The following BNC2 variants were observed in gnomAD, a reference collection of about 807,000 sequenced individuals.
The protein encoded by BNC2 is basonuclin zinc finger protein 2, also known as zinc finger protein basonuclin-2.
In BNC2, 20 loss-of-function variants were observed where a neutral mutation model predicts 76.3. That is an observed-to-expected ratio of 0.26 (90% CI 0.18 to 0.38). The LOEUF (loss-of-function observed/expected upper bound fraction) is 0.38. BNC2 is among the 10% of genes least tolerant of loss of function. BNC2 has a pLI of 1.00. For synonymous variants in BNC2, 582 were observed against 514.8 expected, an observed-to-expected ratio of 1.13 and a Z score of -1.77; for missense variants, 1,382 against 1,399.8, an observed-to-expected ratio of 0.99 and a Z score of 0.20.
intron 1 of BNC2, among the ~76,000 whole-genome samples, chr9:16,764,948 G>C (rs921977321): frequency 4.8e-4 from 73 of 151,942 alleles, no homozygotes; most frequent in African/African-American, 1.7e-3. Context: ...GAAGAAAAAA[G>C]AAGGAGAGAG....
chr9:16,506,511 C>CTTTTTTTTTTTTTTTTTTTTTTTTTT (rs1563814965), intron 5 of BNC2, among the ~76,000 whole-genome samples: 1 of 81,428 alleles, frequency 1.2e-5, no homozygotes, highest in African/African-American at 5.5e-5. Flanking sequence ...TCTCTCTCTC[C>CTTTTTTTTTTTTTTTTTTTTTTTTTT]TCTTTTTTTT....
intron 1 of BNC2, among the ~76,000 whole-genome samples, chr9:16,812,987 T>C (rs1234472180): frequency 2.0e-5 from 3 of 152,044 alleles, no homozygotes; most frequent in Admixed American, 6.5e-5. Flanking sequence ...GGTGGGCGGA[T>C]TACCTGAGGT....
intron 1 of BNC2, among the ~76,000 whole-genome samples, chr9:16,800,399 CCT>C (rs1275427407): frequency 6.6e-6 from 1 of 152,086 alleles, no homozygotes; most frequent in African/African-American, 2.4e-5. Context: ...CAGCGTCTGT[CCT>C]CTCTAATTTG....
At chr9:16,778,055 A>C (rs1283103275) in intron 1 of BNC2, among the ~76,000 whole-genome samples, 1 of 152,186 alleles carries the variant, frequency 6.6e-6, no homozygotes, top group Non-Finnish European at 1.5e-5. Flanking sequence ...TATAAACTAG[A>C]ATGGCCACAG....
chr9:16,780,535 A>G (rs1039784529), intron 1 of BNC2, among the ~76,000 whole-genome samples: 22 of 151,802 alleles, frequency 1.4e-4, no homozygotes, highest in Non-Finnish European at 2.5e-4. Flanking sequence ...TCACACCACT[A>G]CACTCCAGCC....
At chr9:16,500,828 AAAGTC>A (rs1822502056) in intron 5 of BNC2, among the ~76,000 whole-genome samples, 1 of 152,234 alleles carries the variant, frequency 6.6e-6, no homozygotes, top group South Asian at 2.1e-4. Context: ...ATACCTAAAT[AAAGTC>A]CTTTTGCAGG....
At chr9:16,548,210 AAG>A (rs1338507373) in intron 5 of BNC2, among the ~76,000 whole-genome samples, 1 of 152,166 alleles carries the variant, frequency 6.6e-6, no homozygotes, top group Non-Finnish European at 1.5e-5. Context: ...TTCAAACTGA[AAG>A]AGACTATAAA....
At chr9:16,622,604 T>C (rs1006871728) in intron 3 of BNC2, among the ~76,000 whole-genome samples, 1 of 152,130 alleles carries the variant, frequency 6.6e-6, no homozygotes, top group African/African-American at 2.4e-5. Flanking sequence ...TTACAAGATA[T>C]AATGTAGCTG....
At chr9:16,467,786 A>T (rs1472248291) in intron 5 of BNC2, among the ~76,000 whole-genome samples, 1 of 146,414 alleles carries the variant, frequency 6.8e-6, no homozygotes, top group Non-Finnish European at 1.5e-5. Flanking sequence ...TACATATGTA[A>T]CTAACCTGCA....
intron 5 of BNC2, among the ~76,000 whole-genome samples, chr9:16,446,181 T>C (rs746761788): frequency 3.3e-5 from 5 of 152,186 alleles, no homozygotes; most frequent in Admixed American, 6.5e-5. Context: ...CTACTGACCT[T>C]GGCTCACTCT....
intron 5 of BNC2, among the ~76,000 whole-genome samples, chr9:16,498,032 T>TATATATATTCCATC (rs1229024723): frequency 0.014 from 2,024 of 147,684 alleles, 52 homozygotes; most frequent in African/African-American, 0.048. Flanking sequence ...TATTCCACCA[T>TATATATATTCCATC]ATATATATTC....
chr9:16,555,908 T>G (rs1471351000), intron 4 of BNC2, among the ~76,000 whole-genome samples: 4 of 152,368 alleles, frequency 2.6e-5, no homozygotes, highest in Non-Finnish European at 5.9e-5. Flanking sequence ...TTGTGGGTTA[T>G]GCATTCTCTT....
chr9:16,637,799 C>T (rs1489587294), intron 3 of BNC2, among the ~76,000 whole-genome samples: 1 of 152,044 alleles, frequency 6.6e-6, no homozygotes, highest in Non-Finnish European at 1.5e-5. Flanking sequence ...AGAAAAAAAG[C>T]CATCTGTCTC....
rs187527786 is a variant in BNC2 at position 16,774,915 on chromosome 9, G to A, written c.4-36430C>T. Among the ~76,000 whole-genome samples, 8 of 152,208 alleles carry A rather than the reference G, an allele frequency of 5.3e-5. No homozygotes were observed. In the East Asian group the frequency reaches 5.8e-4, roughly 11 times the overall value. On this transcript the variant is annotated intron_variant, in intron 1 of 6. Transcript: ENST00000380672. The stretch of plus-strand genomic sequence containing the variant: ...CCCTCTTGTATTTTGCCAATGAAGC[G>A]TTTTTTATTTGTTTTTGCTTTTACT...
At chr9:16,557,859 T>C (rs961099734) in intron 4 of BNC2, among the ~76,000 whole-genome samples, 2 of 151,642 alleles carry the variant, frequency 1.3e-5, no homozygotes, top group Middle Eastern at 3.2e-3. Flanking sequence ...TTTTTTGTTG[T>C]TGTTTGTTTG....
intron 3 of BNC2, among the ~76,000 whole-genome samples, chr9:16,599,761 C>T (rs1167599602): frequency 2.6e-5 from 4 of 152,138 alleles, no homozygotes; most frequent in East Asian, 3.9e-4. Flanking sequence ...CCCACCTAGG[C>T]GAAAGAGCGA....
intron 3 of BNC2, among the ~76,000 whole-genome samples, chr9:16,630,058 G>A (rs1821117528): frequency 6.6e-6 from 1 of 152,202 alleles, no homozygotes; most frequent in Admixed American, 6.5e-5. Flanking sequence ...CTCTGCCACT[G>A]CTTCAATTTG....
chr9:16,631,151 C>T (rs779334802), intron 3 of BNC2, among the ~76,000 whole-genome samples: 13 of 152,196 alleles, frequency 8.5e-5, no homozygotes, highest in Non-Finnish European at 1.8e-4. Context: ...ACCAAACTTA[C>T]TTATCCTCTC....
At chr9:16,560,718 C>T (rs750954814) in intron 4 of BNC2, among the ~76,000 whole-genome samples, 3 of 152,114 alleles carry the variant, frequency 2.0e-5, no homozygotes, top group Non-Finnish European at 2.9e-5. Context: ...CAGAATGAGA[C>T]CGCATCTCTA....
Sources: allele counts gnomAD v4.1 joint callset (sites outside exome capture counted in the v4.1 genomes callset), GRCh38; gene constraint gnomAD v4.1.1; transcripts MANE v1.5; gene names NCBI Gene and HGNC (gene_info 2026-07-23, HGNC 2026-07-21).